Variants in MARCHF11 observed in about 807,000 individuals in gnomAD.
MARCHF11 encodes membrane associated ring-CH-type finger 11, also known as E3 ubiquitin-protein ligase MARCHF11.
A neutral mutation model predicts 37.3 loss-of-function variants in MARCHF11; 29 were observed. The observed-to-expected ratio is 0.78, with a 90% CI of 0.58 to 1.06. The LOEUF is 1.06. MARCHF11 is among the 50% of genes least tolerant of loss of function. The pLI, the probability that MARCHF11 is intolerant of heterozygous loss-of-function variation, is 0.00. For synonymous variants in MARCHF11, 233 were observed against 228.0 expected, an observed-to-expected ratio of 1.02 and a Z score of -0.20; for missense variants, 482 against 533.4, an observed-to-expected ratio of 0.90 and a Z score of 0.95.
intron 2 of MARCHF11, among the ~76,000 whole-genome samples, chr5:16,169,177 T>C (rs937881941): frequency 1.3e-5 from 2 of 151,810 alleles, no homozygotes; most frequent in Admixed American, 6.6e-5. Context: ...AGTAAGGAGA[T>C]GAAATCTTGG....
chr5:16,162,581 A>T (rs1019680483), intron 2 of MARCHF11, among the ~76,000 whole-genome samples: 1 of 151,910 alleles, frequency 6.6e-6, no homozygotes, highest in African/African-American at 2.4e-5. Flanking sequence ...TCATTGCCCA[A>T]TGTTTTTTTC....
At chr5:16,148,184 C>T (rs1737836267) in intron 2 of MARCHF11, among the ~76,000 whole-genome samples, 2 of 151,954 alleles carry the variant, frequency 1.3e-5, no homozygotes. Flanking sequence ...ATTAAGTATA[C>T]AAACTGCTAG....
intron 2 of MARCHF11, among the ~76,000 whole-genome samples, chr5:16,107,224 A>G (rs953739915): frequency 6.6e-6 from 1 of 152,234 alleles, no homozygotes; most frequent in African/African-American, 2.4e-5. Context: ...TCTGATATAA[A>G]ATGTGCAGGC....
At chr5:16,167,561 G>A (rs1560994499) in intron 2 of MARCHF11, among the ~76,000 whole-genome samples, 1 of 151,914 alleles carries the variant, frequency 6.6e-6, no homozygotes, top group African/African-American at 2.4e-5. Context: ...GTGCTTTATC[G>A]GTCTACCAAC....
At chr5:16,083,383 T>C (rs1198176442) in intron 3 of MARCHF11, among the ~76,000 whole-genome samples, 2 of 152,196 alleles carry the variant, frequency 1.3e-5, no homozygotes. Flanking sequence ...CATTCTTCAC[T>C]TGAAACTACC....
intron 3 of MARCHF11, among the ~76,000 whole-genome samples, chr5:16,083,257 T>C (rs367648232): frequency 2.6e-5 from 4 of 152,236 alleles, no homozygotes; most frequent in East Asian, 1.9e-4. Context: ...TGGATTCTGG[T>C]GGTCTTGGCT....
intron 2 of MARCHF11, among the ~76,000 whole-genome samples, chr5:16,158,724 T>C (rs778536845): frequency 2.0e-5 from 3 of 151,988 alleles, no homozygotes; most frequent in African/African-American, 4.8e-5. Flanking sequence ...ATTTTAAGTT[T>C]CAGGGTACAT....
intron 2 of MARCHF11, among the ~76,000 whole-genome samples, chr5:16,137,455 C>G (rs1737627247): frequency 1.3e-5 from 2 of 152,338 alleles, no homozygotes; most frequent in African/African-American, 4.8e-5. Flanking sequence ...CCATGTGGAA[C>G]TGTGAGTCCA....
chr5:16,067,624 C>T lies in MARCHF11; in HGVS notation c.1056G>A (p.Arg352=). 6.2e-7 allele frequency: 1 copy of T among 1,613,982 alleles called. No homozygotes were observed. The highest frequency in any genetic ancestry group is 8.5e-7 in the Non-Finnish European group (1 of 1,179,858). Residue 352 remains arginine, a synonymous_variant, in exon 4 of 4, where the codon CGG becomes CGA. Transcript: ENST00000332432. ...GAGTTGGGTGGACCAAGTTTCTGTT[C>T]CGCAGAGCTGTCAATGGCAACCACA... ...RTLWLPLTAL[R]NRNLVHPTQL...
Position 16,104,347 on chromosome 5 carries a change from T to C in MARCHF11, c.694-13266A>G, listed in dbSNP as rs368857596. 9.9e-4 allele frequency among the ~76,000 whole-genome samples: 150 copies of C among 152,240 alleles called. 1 individual carries two copies. Among genetic ancestry groups the C allele is most frequent in the Non-Finnish European group, 1.4e-3 (98 of 67,992 alleles). On this transcript the variant is annotated intron_variant, in intron 2 of 3. Transcript: ENST00000332432. ...CTGTAACAAAAAGCCCTTAAAACAA[T>C]GAGAAATGTTTTGGGGGTGATAAAA...
chr5:16,075,806 GA>G (rs1560967329), intron 3 of MARCHF11, among the ~76,000 whole-genome samples: 1 of 152,194 alleles, frequency 6.6e-6, no homozygotes, highest in East Asian at 1.9e-4. Flanking sequence ...CATAGTTCAC[GA>G]GTGGGTTTTG....
intron 2 of MARCHF11, among the ~76,000 whole-genome samples, chr5:16,151,790 C>T (rs1737895330): frequency 6.6e-6 from 1 of 151,446 alleles, no homozygotes; most frequent in Non-Finnish European, 1.5e-5. Flanking sequence ...TTAACTTCGT[C>T]AAAAAATCTT....
chr5:16,150,876 A>T (rs1737877371), intron 2 of MARCHF11, among the ~76,000 whole-genome samples: 1 of 152,048 alleles, frequency 6.6e-6, no homozygotes, highest in African/African-American at 2.4e-5. Context: ...ATTGTGGAAA[A>T]AAACGTGGTT....
At chr5:16,157,331 T>C (rs1737993883) in intron 2 of MARCHF11, among the ~76,000 whole-genome samples, 1 of 151,558 alleles carries the variant, frequency 6.6e-6, no homozygotes, top group South Asian at 2.1e-4. Flanking sequence ...TTCACTTAAA[T>C]AGAAAAAAAA....
At chr5:16,092,657 G>A (rs1579682042) in intron 2 of MARCHF11, among the ~76,000 whole-genome samples, 3 of 152,074 alleles carry the variant, frequency 2.0e-5, no homozygotes, top group South Asian at 2.1e-4. Flanking sequence ...CCTGGATAAC[G>A]GGTTGATGGG....
At chr5:16,130,771 G>T (rs1339703151) in intron 2 of MARCHF11, among the ~76,000 whole-genome samples, 3 of 152,114 alleles carry the variant, frequency 2.0e-5, no homozygotes, top group African/African-American at 7.2e-5. Flanking sequence ...TAGCACTACT[G>T]CCAGGGATCA....
At chr5:16,073,684 A>G (rs533754121) in intron 3 of MARCHF11, among the ~76,000 whole-genome samples, 1 of 151,862 alleles carries the variant, frequency 6.6e-6, no homozygotes, top group Non-Finnish European at 1.5e-5. Flanking sequence ...AGACTGAAAA[A>G]TACACATATG....
intron 2 of MARCHF11, among the ~76,000 whole-genome samples, chr5:16,160,779 T>C (rs1247107047): frequency 6.6e-6 from 1 of 151,946 alleles, no homozygotes; most frequent in East Asian, 1.9e-4. Flanking sequence ...GCAAAGCTTT[T>C]TAAGTAAATG....
intron 2 of MARCHF11, among the ~76,000 whole-genome samples, chr5:16,145,361 C>T (rs913040417): frequency 6.6e-6 from 1 of 152,122 alleles, no homozygotes; most frequent in African/African-American, 2.4e-5. Context: ...GAGTTGCTCT[C>T]TCATTTGCTC....
Sources: allele counts gnomAD v4.1 joint callset (sites outside exome capture counted in the v4.1 genomes callset), GRCh38; gene constraint gnomAD v4.1.1; transcripts MANE v1.5; gene names NCBI Gene and HGNC (gene_info 2026-07-23, HGNC 2026-07-21).